MKX: variants seen among roughly 807,000 people sequenced by gnomAD.
The protein encoded by MKX is mohawk homeobox.
A neutral mutation model predicts 36.0 loss-of-function variants in MKX; 13 were observed. The observed-to-expected ratio is 0.36, with a 90% CI of 0.24 to 0.57. The LOEUF (loss-of-function observed/expected upper bound fraction) is 0.57. Among genes scored for constraint, MKX ranks in the 20% least tolerant of loss-of-function variants. The probability of loss-of-function intolerance (pLI) is 0.79; values close to 1 mark genes in which losing one functional copy is unlikely to be tolerated. For synonymous variants in MKX, 176 were observed against 178.3 expected (o/e 0.99, Z 0.10); for missense variants, 458 against 456.4 (o/e 1.00, Z -0.03).
At chr10:27,688,228 T>G (rs1250771802) in intron 5 of MKX, among the ~76,000 whole-genome samples, 2 of 152,134 alleles carry the variant, frequency 1.3e-5, no homozygotes, top group Non-Finnish European at 2.9e-5. Context: ...CCTCTCTCAC[T>G]TTAATTTTCT....
chr10:27,706,101 G>A (rs527530805), intron 5 of MKX, among the ~76,000 whole-genome samples: 1 of 151,922 alleles, frequency 6.6e-6, no homozygotes, highest in Non-Finnish European at 1.5e-5. Context: ...GACTATTCTA[G>A]GTACCTCATA....
At chr10:27,683,816 C>A (rs1004088960) in intron 5 of MKX, among the ~76,000 whole-genome samples, 1 of 152,154 alleles carries the variant, frequency 6.6e-6, no homozygotes, top group African/African-American at 2.4e-5. Flanking sequence ...TAAAACCTCC[C>A]TGAAGATTCT....
At position 27,743,215 on chromosome 10, in the gene MKX, G is replaced by T; in HGVS notation, c.188+13C>A. The T allele has an allele frequency of 6.8e-7, 1 of 1,473,538 alleles. No individual in the cohort carries two copies. The highest frequency in any genetic ancestry group is 9.0e-7 in the Non-Finnish European group (1 of 1,117,082). 91.3% of individuals were successfully genotyped at this position (1,473,538 alleles called of 1,614,324 possible). On this transcript the variant is annotated intron_variant, in intron 2 of 6. Coordinates refer to ENST00000419761, the MANE Select transcript of MKX (RefSeq NM_173576.3). Reference sequence around the variant, plus strand: ...GCCGCAGGCGGGCAGGGCCCCCAGGGGAGTGCGCATACCCGGTCCTCCGGT... The same window carrying T: ...GCCGCAGGCGGGCAGGGCCCCCAGGTGAGTGCGCATACCCGGTCCTCCGGT...
intron 5 of MKX, among the ~76,000 whole-genome samples, chr10:27,711,518 C>CTCT (rs1564357190): frequency 4.1e-4 from 51 of 125,568 alleles, no homozygotes; most frequent in African/African-American, 1.6e-3. Flanking sequence ...TTCCTTCCTT[C>CTCT]CTTCCTTCCT....
chr10:27,703,215 T>C (rs1314047760), intron 5 of MKX, among the ~76,000 whole-genome samples: 4 of 152,202 alleles, frequency 2.6e-5, no homozygotes, highest in African/African-American at 7.2e-5. Flanking sequence ...GGAACTCTTA[T>C]ATAGCACAGT....
At chr10:27,740,001 T>G (rs962507687) in intron 3 of MKX, among the ~76,000 whole-genome samples, 2 of 152,220 alleles carry the variant, frequency 1.3e-5, no homozygotes, top group African/African-American at 4.8e-5. Flanking sequence ...CCAAGAACAC[T>G]AAATTAATTT....
Position 27,744,977 on chromosome 10 carries a change from C to G in MKX, c.-83+730G>C, listed in dbSNP as rs572787042. 5.3e-5 allele frequency: 8 copies of G among 152,282 alleles called. No homozygotes were observed. The highest frequency in any genetic ancestry group is 1.0e-4 in the Non-Finnish European group (7 of 68,126). 9.4% of individuals were successfully genotyped at this position (152,282 alleles called of 1,614,324 possible). A position where few individuals can be genotyped will look rare whatever the true frequency, so the allele number is the denominator to read the frequency against. On this transcript the variant is annotated intron_variant, in intron 1 of 6. Transcript: ENST00000419761. This position sits in a 1 kb window ranked among gnomAD's most constrained non-coding sequence, Gnocchi z 5.6. Reference sequence around the variant, plus strand: ...CGTGCCTGGGGTGTGCACATAGCCTCGGTGATAAGTGTCAAAGAGAATTTT... The same window carrying G: ...CGTGCCTGGGGTGTGCACATAGCCTGGGTGATAAGTGTCAAAGAGAATTTT...
chr10:27,708,101 T>C (rs1053545379), intron 5 of MKX, among the ~76,000 whole-genome samples: 2 of 152,160 alleles, frequency 1.3e-5, no homozygotes, highest in Non-Finnish European at 2.9e-5. Flanking sequence ...CTTCTCTTAG[T>C]TGATTTAATT....
At chr10:27,692,990 T>C (rs1836482490) in intron 5 of MKX, among the ~76,000 whole-genome samples, 1 of 152,220 alleles carries the variant, frequency 6.6e-6, no homozygotes, top group Non-Finnish European at 1.5e-5. Flanking sequence ...GGATCCTGGA[T>C]TGAATTGTGA....
rs944320450 is a variant in MKX at position 27,674,168 on chromosome 10, C to T, written c.*1061G>A. 2.0e-5 allele frequency: 3 copies of T among 152,132 alleles called. No homozygotes were observed. The highest frequency in any genetic ancestry group is 4.8e-5 in the African/African-American group (2 of 41,422). 9.4% of individuals were successfully genotyped at this position (152,132 alleles called of 1,614,324 possible). A position where few individuals can be genotyped will look rare whatever the true frequency, so the allele number is the denominator to read the frequency against. ...CTTTAATGTCCAACTTGGCAAAATT[C>T]AAACTGTTCAATGTTTTGTTTTCCA... On this transcript the variant is annotated 3_prime_UTR_variant, in exon 7 of 7. Transcript: ENST00000419761.
chr10:27,729,335 C>T (rs1338983810), intron 5 of MKX, among the ~76,000 whole-genome samples: 4 of 145,170 alleles, frequency 2.8e-5, no homozygotes, highest in African/African-American at 1.0e-4. Flanking sequence ...ATTCTATTGC[C>T]CAGACTGGAG....
chr10:27,732,404 A>G (rs1834651720), intron 5 of MKX, among the ~76,000 whole-genome samples: 1 of 152,180 alleles, frequency 6.6e-6, no homozygotes, highest in African/African-American at 2.4e-5. Flanking sequence ...TTAAATACAC[A>G]TTTACATATA....
At chr10:27,693,870 C>T (rs1836498029) in intron 5 of MKX, among the ~76,000 whole-genome samples, 1 of 152,140 alleles carries the variant, frequency 6.6e-6, no homozygotes, top group African/African-American at 2.4e-5. Context: ...GTAGCTCCCA[C>T]AATTCCCATG....
chr10:27,721,701 G>C (rs1221512699), intron 5 of MKX, among the ~76,000 whole-genome samples: 1 of 152,104 alleles, frequency 6.6e-6, no homozygotes, highest in African/African-American at 2.4e-5. Flanking sequence ...GTGAGGGGTT[G>C]ACAGGTGCAG....
At chr10:27,678,959 G>A (rs1481717368) in intron 5 of MKX, among the ~76,000 whole-genome samples, 1 of 152,172 alleles carries the variant, frequency 6.6e-6, no homozygotes, top group Non-Finnish European at 1.5e-5. Flanking sequence ...ATTCTTAATT[G>A]GGTTTTACAA....
At position 27,742,568 on chromosome 10, in the gene MKX, G is replaced by C. The variant is rs1834927978; in HGVS notation, c.188+660C>G. Among the ~76,000 whole-genome samples, 2 of 151,892 alleles carry C rather than the reference G, an allele frequency of 1.3e-5. No individual in the cohort carries two copies. The highest frequency in any genetic ancestry group is 4.8e-5 in the African/African-American group (2 of 41,386). Reference sequence around the variant, plus strand: ...CGCCGGATCGGGCCAGGCAGAGCCTGCCCTCCACTCACCGGCAGTCTGAGC... The same window carrying C: ...CGCCGGATCGGGCCAGGCAGAGCCTCCCCTCCACTCACCGGCAGTCTGAGC... On this transcript the variant is annotated intron_variant, in intron 2 of 6. Coordinates refer to ENST00000419761, the MANE Select transcript of MKX (RefSeq NM_173576.3). This position sits in a 1 kb window ranked among gnomAD's most constrained non-coding sequence, Gnocchi z 4.2.
chr10:27,710,482 G>T (rs772242902), intron 5 of MKX, among the ~76,000 whole-genome samples: 4 of 152,180 alleles, frequency 2.6e-5, no homozygotes, highest in Non-Finnish European at 4.4e-5. Context: ...CAATCAGAGA[G>T]TAAGCTAAAG....
At chr10:27,685,443 ATTTTTTTTT>A (rs529959736) in intron 5 of MKX, among the ~76,000 whole-genome samples, 1 of 112,832 alleles carries the variant, frequency 8.9e-6, no homozygotes, top group Non-Finnish European at 1.8e-5. Context: ...CAGCAGAGTG[ATTTTTTTTT>A]TTTTTTTTTT....
intron 5 of MKX, among the ~76,000 whole-genome samples, chr10:27,695,868 G>A (rs1836544671): frequency 6.6e-6 from 1 of 152,154 alleles, no homozygotes; most frequent in Non-Finnish European, 1.5e-5. Flanking sequence ...TGGGACAAGG[G>A]CTGGAAGCAT....
Sources: allele counts gnomAD v4.1 joint callset (sites outside exome capture counted in the v4.1 genomes callset), GRCh38; gene constraint gnomAD v4.1.1; non-coding constraint Gnocchi (gnomAD v3.1); transcripts MANE v1.5; gene names NCBI Gene and HGNC (gene_info 2026-07-23, HGNC 2026-07-21).